RNF6: variants seen among roughly 807,000 people sequenced by gnomAD.
RNF6 encodes the protein E3 ubiquitin-protein ligase RNF6.
RNF6 carries 21 observed loss-of-function variants against 50.1 expected under a neutral mutation model. The observed-to-expected ratio is 0.42, with a 90% CI of 0.30 to 0.60. The LOEUF (loss-of-function observed/expected upper bound fraction) is 0.60, where lower values mean the gene tolerates loss of function less well. RNF6 is among the 20% of genes least tolerant of loss of function. The probability of loss-of-function intolerance (pLI) is 0.20; values close to 1 mark genes in which losing one functional copy is unlikely to be tolerated. For missense variants in RNF6, 698 were observed against 838.2 expected, an observed-to-expected ratio of 0.83 and a Z score of 2.07; for synonymous variants, 255 against 291.8, an observed-to-expected ratio of 0.87 and a Z score of 1.29.
Position 26,219,439 on chromosome 13 carries a change from C to T in RNF6, c.193+18G>A. 6.4e-7 allele frequency: 1 copy of T among 1,569,406 alleles called. No homozygotes were observed. Among genetic ancestry groups the T allele is most frequent in the Non-Finnish European group, 8.7e-7 (1 of 1,151,622 alleles). ...AAATGATGAAAAAAGGGTGTTTCCT[C>T]TTTTACCCATCTCTTACCAGGGGTG... On this transcript the variant is annotated intron_variant, in intron 3 of 4. Transcript: ENST00000381588.
chr13:26,191,392 A>T (rs554695629), intron 5 of RNF6, among the ~76,000 whole-genome samples: 2 of 152,334 alleles, frequency 1.3e-5, no homozygotes, highest in Admixed American at 1.3e-4. Flanking sequence ...ATTCTAGTGC[A>T]GAGTGGCGGT....
At chr13:26,187,732 T>C (rs1873623464) in intron 5 of RNF6, among the ~76,000 whole-genome samples, 1 of 152,158 alleles carries the variant, frequency 6.6e-6, no homozygotes, top group Non-Finnish European at 1.5e-5. Flanking sequence ...TATTTGATTT[T>C]GGGGGTTTTT....
intron 5 of RNF6, among the ~76,000 whole-genome samples, chr13:26,203,818 C>T (rs1425055314): frequency 1.3e-5 from 2 of 152,134 alleles, no homozygotes; most frequent in Admixed American, 6.5e-5. Flanking sequence ...AAAAATTAGC[C>T]GGGCATGGAG....
chr13:26,161,407 T>C (rs886258486), intron 5 of RNF6, among the ~76,000 whole-genome samples: 13 of 152,226 alleles, frequency 8.5e-5, no homozygotes, highest in Non-Finnish European at 1.6e-4. Context: ...TATGAATGGT[T>C]TGGGTAAAGT....
chr13:26,178,591 C>CGTGTGT (rs3981342), intron 5 of RNF6, among the ~76,000 whole-genome samples: 4,488 of 100,256 alleles, frequency 0.045, 187 homozygotes, highest in East Asian at 0.13. Context: ...CTGCCTGGTC[C>CGTGTGT]GTGTGTGTGT....
At chr13:26,151,123 G>A (rs2137583850) in intron 5 of RNF6, among the ~76,000 whole-genome samples, 1 of 152,308 alleles carries the variant, frequency 6.6e-6, no homozygotes, top group South Asian at 2.1e-4. Flanking sequence ...AAAGTCACCA[G>A]TGCAACTACT....
chr13:26,203,532 G>C (rs192798022), intron 5 of RNF6, among the ~76,000 whole-genome samples: 59 of 152,354 alleles, frequency 3.9e-4, no homozygotes, highest in African/African-American at 1.4e-3. Context: ...ACACCTTTGG[G>C]TGTGACACAG....
At chr13:26,209,769 T>A (rs1168459311), downstream of RNF6, among the ~76,000 whole-genome samples, 1 of 149,978 alleles carries the variant, frequency 6.7e-6, no homozygotes, top group Non-Finnish European at 1.5e-5. Context: ...TACAATTAAA[T>A]GTGTGAGAAG....
chr13:26,205,230 G>A (rs1869062154), intron 5 of RNF6, among the ~76,000 whole-genome samples: 1 of 132,382 alleles, frequency 7.6e-6, no homozygotes, highest in Admixed American at 8.1e-5. Flanking sequence ...AGTACAATAA[G>A]TACATGGAGT....
intron 4 of RNF6, among the ~76,000 whole-genome samples, chr13:26,216,139 C>G (rs951118760): frequency 3.3e-5 from 5 of 152,180 alleles, no homozygotes; most frequent in African/African-American, 1.2e-4. Flanking sequence ...ACATTAAAAC[C>G]ACATTACTGT....
chr13:26,144,247 G>A (rs1441406173), intron 5 of RNF6, among the ~76,000 whole-genome samples: 1 of 152,030 alleles, frequency 6.6e-6, no homozygotes, highest in Non-Finnish European at 1.5e-5. Context: ...TGGGCTCAAT[G>A]GGCAACAATA....
At chr13:26,133,158 A>G (rs1021922802) in intron 5 of RNF6, among the ~76,000 whole-genome samples, 1 of 152,228 alleles carries the variant, frequency 6.6e-6, no homozygotes, top group Non-Finnish European at 1.5e-5. Context: ...ATTTTTAAGT[A>G]TTGAAATAAA....
intron 4 of RNF6, 83 bp downstream of exon 4, chr13:26,218,424 GACAA>G: frequency 9.9e-7 from 1 of 1,011,818 alleles, no homozygotes. Context: ...AAAAATTGAA[GACAA>G]ACATACTATA....
At position 26,214,420 on chromosome 13, in the gene RNF6, T is replaced by C; in HGVS notation, c.1462A>G (p.Met488Val). 1 of 1,614,140 alleles carries C rather than the reference T, an allele frequency of 6.2e-7. No individual in the cohort carries two copies. Among genetic ancestry groups the C allele is most frequent in the Non-Finnish European group, 8.5e-7 (1 of 1,179,992 alleles). ...VALRSILRQI[M>V]TGFGELSSLM... ...GAACTCAGTTCTCCAAACCCAGTCATGATCTGCCTTAAAATTGACCGAAGA... is the reference window on the plus strand; with the variant it reads ...GAACTCAGTTCTCCAAACCCAGTCACGATCTGCCTTAAAATTGACCGAAGA... The change falls in exon 5 of 5, where the codon ATG (methionine) becomes GTG (valine). Residue 488 changes from methionine (M) to valine (V), a missense_variant. Transcript: ENST00000381588.
In RNF6 at chr13:26,212,936, T is replaced by G. The variant is rs1215089919; in HGVS notation, c.*888A>C. 2.0e-5 allele frequency: 3 copies of G among 152,534 alleles called. No individual in the cohort carries two copies. Among genetic ancestry groups the G allele is most frequent in the African/African-American group, 7.2e-5 (3 of 41,424 alleles). 9.4% of individuals were successfully genotyped at this position (152,534 alleles called of 1,614,324 possible). A position where few individuals can be genotyped will look rare whatever the true frequency, so the allele number is the denominator to read the frequency against. The stretch of plus-strand genomic sequence containing the variant: ...TATGCATCTGATTCTTTATAGACTT[T>G]TAGATTTTAAAACTAAATTTGAGAA... On this transcript the variant is annotated 3_prime_UTR_variant, in exon 5 of 5. Transcript: ENST00000381588.
At chr13:26,143,554 T>C (rs1313801633) in intron 5 of RNF6, among the ~76,000 whole-genome samples, 1 of 152,162 alleles carries the variant, frequency 6.6e-6, no homozygotes, top group Non-Finnish European at 1.5e-5. Flanking sequence ...CTAGGGGTAA[T>C]AGCAAGTGGT....
At chr13:26,204,072 C>T (rs543940917) in intron 5 of RNF6, among the ~76,000 whole-genome samples, 108 of 152,290 alleles carry the variant, frequency 7.1e-4, no homozygotes, top group African/African-American at 2.4e-3. Context: ...TGGAGGTTCT[C>T]CTCACCTACT....
chr13:26,148,633 TATATA>T (rs1871382856), intron 5 of RNF6, among the ~76,000 whole-genome samples: 1 of 1,926 alleles, frequency 5.2e-4, no homozygotes, highest in Non-Finnish European at 1.3e-3. Flanking sequence ...TAAATCTCTT[TATATA>T]TATATATATA....
At chr13:26,172,765 G>A (rs1463889867) in intron 5 of RNF6, among the ~76,000 whole-genome samples, 2 of 152,026 alleles carry the variant, frequency 1.3e-5, no homozygotes, top group South Asian at 2.1e-4. Context: ...GGATGGTCTC[G>A]ATCTCCTGAC....
Sources: allele counts gnomAD v4.1 joint callset (sites outside exome capture counted in the v4.1 genomes callset), GRCh38; gene constraint gnomAD v4.1.1; transcripts MANE v1.5; gene names NCBI Gene and HGNC (gene_info 2026-07-23, HGNC 2026-07-21).